Variants in NECAB1 observed in about 807,000 individuals in gnomAD.
NECAB1 encodes the protein N-terminal EF-hand calcium binding protein 1.
NECAB1 carries 29 observed loss-of-function variants against 57.5 expected under a neutral mutation model. The observed-to-expected ratio is 0.50, with a 90% confidence interval of 0.38 to 0.69. NECAB1 has a LOEUF of 0.69. Among genes scored for constraint, NECAB1 ranks in the 30% least tolerant of loss-of-function variants. NECAB1 has a pLI of 0.00. For missense variants in NECAB1, 372 were observed against 413.8 expected (o/e 0.90, Z 0.88); for synonymous variants, 142 against 147.7 (o/e 0.96, Z 0.28).
intron 6 of NECAB1, among the ~76,000 whole-genome samples, chr8:90,920,740 T>C (rs751783397): frequency 6.6e-5 from 10 of 152,208 alleles, no homozygotes; most frequent in Non-Finnish European, 1.3e-4. Context: ...GTGCCCTCTA[T>C]TTATATCTAC....
chr8:90,942,921 C>A (rs959355614), intron 10 of NECAB1, among the ~76,000 whole-genome samples: 1 of 151,998 alleles, frequency 6.6e-6, no homozygotes, highest in African/African-American at 2.4e-5. Flanking sequence ...ATATATACAC[C>A]GTTCACAGTG....
At chr8:90,836,064 G>A (rs956396039) in intron 3 of NECAB1, among the ~76,000 whole-genome samples, 1 of 152,120 alleles carries the variant, frequency 6.6e-6, no homozygotes, top group African/African-American at 2.4e-5. Flanking sequence ...TATTAAAATA[G>A]TTCTCTACTC....
intron 3 of NECAB1, among the ~76,000 whole-genome samples, chr8:90,858,611 T>A (rs1261483998): frequency 2.7e-5 from 4 of 149,040 alleles, no homozygotes; most frequent in African/African-American, 7.6e-5. Flanking sequence ...GAAAAAAAAA[T>A]TCACAATTTG....
At chr8:90,950,588 C>G (rs1424798795) in intron 11 of NECAB1, among the ~76,000 whole-genome samples, 1 of 152,002 alleles carries the variant, frequency 6.6e-6, no homozygotes. Context: ...TAATAGAATA[C>G]CTGGAAATTC....
intron 2 of NECAB1, among the ~76,000 whole-genome samples, chr8:90,820,301 ATCAGAAGAGGTATTTTATTT>A (rs1812124170): frequency 6.6e-6 from 1 of 151,988 alleles, no homozygotes; most frequent in African/African-American, 2.4e-5. Context: ...TGGAGCTAAA[ATCAGAAGAGGTATTTTATTT>A]TCATTTATAT....
intron 3 of NECAB1, among the ~76,000 whole-genome samples, chr8:90,838,504 G>C (rs1812406083): frequency 6.6e-6 from 1 of 152,150 alleles, no homozygotes; most frequent in African/African-American, 2.4e-5. Context: ...CACCAAGTAG[G>C]CACCAGCCTT....
At chr8:90,805,980 C>T (rs1811840222) in intron 2 of NECAB1, among the ~76,000 whole-genome samples, 1 of 152,320 alleles carries the variant, frequency 6.6e-6, no homozygotes, top group Admixed American at 6.5e-5. Flanking sequence ...GTACTCTCTG[C>T]TTCTACGAGT....
chr8:90,875,585 T>C (rs1285580972), intron 4 of NECAB1, among the ~76,000 whole-genome samples: 1 of 151,286 alleles, frequency 6.6e-6, no homozygotes, highest in Non-Finnish European at 1.5e-5. Flanking sequence ...TCTGAAAGCC[T>C]TTCTGTAAGA....
intron 4 of NECAB1, among the ~76,000 whole-genome samples, chr8:90,875,737 G>A (rs1204718029): frequency 6.6e-6 from 1 of 151,374 alleles, no homozygotes; most frequent in Non-Finnish European, 1.5e-5. Flanking sequence ...CGGGGGCCGG[G>A]CGCGGTGGCT....
Position 90,892,543 on chromosome 8 carries a change from T to C in NECAB1, c.357+11413T>C, listed in dbSNP as rs1809210952. Among the ~76,000 whole-genome samples the C allele has an allele frequency of 2.0e-5, 3 of 152,366 alleles. No individual in the cohort carries two copies. The South Asian group carries it at 6.2e-4, about 32-fold the overall frequency. On this transcript the variant is annotated intron_variant, in intron 5 of 12. Coordinates refer to ENST00000417640, the MANE Select transcript of NECAB1 (RefSeq NM_022351.5). Reference sequence around the variant, plus strand: ...CCCCCGCAAAAGGTGATTGTCATATTTGTACCCCCTTTAGATCTTTGTTGC... The same window carrying C: ...CCCCCGCAAAAGGTGATTGTCATATCTGTACCCCCTTTAGATCTTTGTTGC...
intron 2 of NECAB1, among the ~76,000 whole-genome samples, chr8:90,816,146 G>A (rs1586038329): frequency 6.6e-6 from 1 of 151,744 alleles, no homozygotes. Flanking sequence ...TTTGTCATCT[G>A]CATGTCTTCT....
chr8:90,920,482 A>G (rs1383408664), intron 6 of NECAB1, among the ~76,000 whole-genome samples: 1 of 152,214 alleles, frequency 6.6e-6, no homozygotes, highest in Non-Finnish European at 1.5e-5. Context: ...TACCTTTCCT[A>G]TGATGTCAAT....
At chr8:90,876,624 G>A (rs1019591751) in intron 4 of NECAB1, among the ~76,000 whole-genome samples, 53 of 152,004 alleles carry the variant, frequency 3.5e-4, no homozygotes, top group African/African-American at 1.2e-3. Flanking sequence ...GTTTGGTAAT[G>A]CAACACCACT....
chr8:90,865,740 G>A (rs150706526), intron 3 of NECAB1, among the ~76,000 whole-genome samples: 2 of 152,324 alleles, frequency 1.3e-5, no homozygotes, highest in African/African-American at 4.8e-5. Context: ...AGGCCCTAGT[G>A]TTCAGATATG....
At chr8:90,840,950 CAA>C (rs34615882) in intron 3 of NECAB1, among the ~76,000 whole-genome samples, 10 of 121,690 alleles carry the variant, frequency 8.2e-5, no homozygotes, top group Admixed American at 3.5e-4. Context: ...TAAATCTATT[CAA>C]AAAAAAAAAA....
chr8:90,886,556 T>G (rs755949963), intron 5 of NECAB1, among the ~76,000 whole-genome samples: 2 of 151,944 alleles, frequency 1.3e-5, no homozygotes, highest in Non-Finnish European at 2.9e-5. Context: ...ATGTTTGTTT[T>G]GTTTTTTTGG....
chr8:90,872,298 C>T (rs994809374), intron 4 of NECAB1, 145 bp downstream of exon 4: 1 of 649,792 alleles, frequency 1.5e-6, no homozygotes, highest in African/African-American at 1.9e-5. Context: ...AGGGATTTAT[C>T]TTTACCCGTG....
intron 3 of NECAB1, among the ~76,000 whole-genome samples, chr8:90,837,219 T>C (rs1406363498): frequency 6.6e-6 from 1 of 152,206 alleles, no homozygotes; most frequent in African/African-American, 2.4e-5. Context: ...GGAAATAATA[T>C]AGATGGGGCA....
At chr8:90,865,373 G>T (rs1328263464) in intron 3 of NECAB1, among the ~76,000 whole-genome samples, 1 of 152,126 alleles carries the variant, frequency 6.6e-6, no homozygotes, top group Non-Finnish European at 1.5e-5. Flanking sequence ...ATAGACTCCT[G>T]ATAGAGGGGT....
Sources: allele counts gnomAD v4.1 joint callset (sites outside exome capture counted in the v4.1 genomes callset), GRCh38; gene constraint gnomAD v4.1.1; transcripts MANE v1.5; gene names NCBI Gene and HGNC (gene_info 2026-07-23, HGNC 2026-07-21).